Variants in MMP16 observed in about 807,000 individuals in gnomAD.
MMP16 encodes matrix metalloproteinase-16.
MMP16 carries 12 observed loss-of-function variants against 67.8 expected under a neutral mutation model. The observed-to-expected ratio is 0.18, with a 90% CI of 0.11 to 0.29. The LOEUF (loss-of-function observed/expected upper bound fraction) is 0.29, where lower values mean the gene tolerates loss of function less well. Among genes scored for constraint, MMP16 ranks in the 10% least tolerant of loss-of-function variants. The probability of loss-of-function intolerance (pLI) is 1.00; values close to 1 mark genes in which losing one functional copy is unlikely to be tolerated. For missense variants in MMP16, 475 were observed against 765.7 expected, an observed-to-expected ratio of 0.62 and a Z score of 4.48; for synonymous variants, 249 against 255.9, an observed-to-expected ratio of 0.97 and a Z score of 0.26.
chr8:88,207,222 C>T (rs1809442888), intron 1 of MMP16, among the ~76,000 whole-genome samples: 1 of 152,052 alleles, frequency 6.6e-6, no homozygotes, highest in South Asian at 2.1e-4. Flanking sequence ...CGGTGTTATT[C>T]CTAGTTGAGA....
chr8:88,206,969 G>A (rs529037146), intron 1 of MMP16, among the ~76,000 whole-genome samples: 4 of 152,172 alleles, frequency 2.6e-5, no homozygotes, highest in Admixed American at 2.6e-4. Flanking sequence ...CCATTTATAT[G>A]TATATTTTTT....
intron 6 of MMP16, among the ~76,000 whole-genome samples, chr8:88,101,607 C>T (rs942643716): frequency 6.6e-6 from 1 of 151,814 alleles, no homozygotes; most frequent in South Asian, 2.1e-4. Context: ...TGGTAAGCAC[C>T]GCAGCCCAAA....
In MMP16 at chr8:88,197,251, A is replaced by G; in HGVS notation, c.188T>C (p.Leu63Pro). 6.2e-7 allele frequency: 1 copy of G among 1,603,148 alleles called. No homozygotes were observed. The highest frequency in any genetic ancestry group is 8.5e-7 in the Non-Finnish European group (1 of 1,175,368). The change falls in exon 2 of 10, where the codon CTG becomes CCG. Residue 63 changes from leucine to proline, a missense_variant. Around this residue, in one of 5 missense-constraint regions of MMP16, gnomAD observed 170 missense variants for 239.6 expected, o/e 0.71. Transcript: ENST00000286614. ...LPPTDPRMSV[L>P]RSAETMQSAL... ...AGACTGCATGGTCTCTGCAGAGCGC[A>G]GCACTGACATTCTGGGGTCAGTCGG... is the stretch of plus-strand genomic sequence containing the variant.
chr8:88,100,229 AT>A (rs1466415854), intron 6 of MMP16, among the ~76,000 whole-genome samples: 2 of 151,848 alleles, frequency 1.3e-5, no homozygotes, highest in African/African-American at 2.4e-5. Flanking sequence ...TAGGTCTAAC[AT>A]TTAAGTCTTT....
chr8:88,213,650 A>G (rs1457564877), intron 1 of MMP16, among the ~76,000 whole-genome samples: 2 of 152,124 alleles, frequency 1.3e-5, no homozygotes, highest in Non-Finnish European at 2.9e-5. Flanking sequence ...AAAAGTACAA[A>G]TATTTTTTCT....
At chr8:88,196,177 G>T (rs2129778648) in intron 2 of MMP16, among the ~76,000 whole-genome samples, 1 of 152,260 alleles carries the variant, frequency 6.6e-6, no homozygotes, top group Non-Finnish European at 1.5e-5. Context: ...TGAGAAAGCA[G>T]AGAAAAATGC....
intron 7 of MMP16, among the ~76,000 whole-genome samples, chr8:88,060,697 T>G (rs1172529404): frequency 6.6e-6 from 1 of 152,078 alleles, no homozygotes; most frequent in African/African-American, 2.4e-5. Context: ...ACATTGTACC[T>G]TGATGAATCA....
chr8:88,155,684 C>T (rs991665704), intron 4 of MMP16, among the ~76,000 whole-genome samples: 1 of 152,092 alleles, frequency 6.6e-6, no homozygotes. Flanking sequence ...TTCATACTTT[C>T]CTAGAAATGG....
At chr8:88,170,508 T>A (rs1198930917) in intron 3 of MMP16, among the ~76,000 whole-genome samples, 1 of 152,194 alleles carries the variant, frequency 6.6e-6, no homozygotes, top group Non-Finnish European at 1.5e-5. Context: ...ACTCCCTCAT[T>A]AGCGGGCTGA....
At chr8:88,140,409 A>G (rs1206044651) in intron 4 of MMP16, among the ~76,000 whole-genome samples, 6 of 152,154 alleles carry the variant, frequency 3.9e-5, no homozygotes, top group Non-Finnish European at 1.5e-5. Flanking sequence ...ACCACATTCT[A>G]TTCATTAGAA....
intron 6 of MMP16, among the ~76,000 whole-genome samples, chr8:88,083,645 C>G (rs1442038515): frequency 6.6e-6 from 1 of 151,992 alleles, no homozygotes; most frequent in East Asian, 1.9e-4. Context: ...AAAGAATTAA[C>G]TATAAGAAAG....
intron 1 of MMP16, among the ~76,000 whole-genome samples, chr8:88,285,050 G>A (rs1810805608): frequency 6.6e-6 from 1 of 152,030 alleles, no homozygotes; most frequent in African/African-American, 2.4e-5. Context: ...ATATGTTCTT[G>A]TTGTACCTCA....
At chr8:88,248,787 T>C (rs1418362712) in intron 1 of MMP16, among the ~76,000 whole-genome samples, 2 of 94,384 alleles carry the variant, frequency 2.1e-5, no homozygotes, top group Non-Finnish European at 4.9e-5. Context: ...GTATTGGACA[T>C]AGTAAAAAAA....
intron 1 of MMP16, among the ~76,000 whole-genome samples, chr8:88,269,089 G>C (rs1585989888): frequency 1.3e-5 from 2 of 152,162 alleles, no homozygotes; most frequent in Non-Finnish European, 2.9e-5. Flanking sequence ...TAATCACAGA[G>C]AGCCTCTTAT....
intron 6 of MMP16, among the ~76,000 whole-genome samples, chr8:88,094,133 G>A (rs76457178): frequency 0.018 from 2,775 of 151,816 alleles, 40 homozygotes; most frequent in Non-Finnish European, 0.029. Flanking sequence ...GGGAAAGTAC[G>A]ATAGTGTATT....
intron 7 of MMP16, among the ~76,000 whole-genome samples, chr8:88,060,856 A>G (rs1477908): frequency 0.23 from 34,715 of 151,890 alleles, 4,676 homozygotes; most frequent in East Asian, 0.42. Flanking sequence ...CATGTTTAAT[A>G]TTACATGGCT....
rs935867831 is a variant in MMP16, at chr8:88,058,619, T to C, written c.1223-2341A>G. On this transcript the variant is annotated intron_variant, in intron 7 of 9. Transcript: ENST00000286614. The surrounding 1 kb of genome is among the most constrained non-coding windows in gnomAD (Gnocchi z 4.2). ...TTGTATTAGATGCAGGAGAGATCTC[T>C]TTATTCAACTGTGACATATAATTCA... Among the ~76,000 whole-genome samples the C allele has an allele frequency of 6.6e-6, 1 of 152,154 alleles. No individual in the cohort carries two copies. Among genetic ancestry groups the C allele is most frequent in the African/African-American group, 2.4e-5 (1 of 41,454 alleles).
chr8:88,296,593 C>T (rs556172986), intron 1 of MMP16, among the ~76,000 whole-genome samples: 2 of 151,928 alleles, frequency 1.3e-5, no homozygotes, highest in Non-Finnish European at 2.9e-5. Context: ...CCAGCACTTT[C>T]GGAGGCGAGA....
chr8:88,220,452 A>T (rs1207802328), intron 1 of MMP16, among the ~76,000 whole-genome samples: 1 of 152,180 alleles, frequency 6.6e-6, no homozygotes, highest in East Asian at 1.9e-4. Flanking sequence ...AGTATCACTG[A>T]CCATGTTCCC....
Sources: gnomAD v4.1 joint callset for allele counts (sites outside exome capture counted in the v4.1 genomes callset) on GRCh38, gnomAD v4.1.1 for gene constraint, gnomAD v4.1.1 regional missense constraint, Gnocchi (gnomAD v3.1) non-coding constraint, MANE v1.5 for transcripts, NCBI Gene and HGNC (gene_info 2026-07-23, HGNC 2026-07-21) for gene names.